The following NME5 variants were observed in gnomAD, a reference collection of about 807,000 sequenced individuals.
NME5 encodes the protein NME/NM23 family member 5.
Under a neutral mutation model 21.6 loss-of-function variants are expected in NME5, and 18 were observed. The ratio of observed to expected loss-of-function variants is 0.83; its 90% CI spans 0.58 to 1.24. NME5 has a LOEUF of 1.24. Ranked by LOEUF, NME5 falls within the 50% of genes most tolerant of loss-of-function variation. NME5 has a pLI of 0.00. For synonymous variants in NME5, 70 were observed against 80.6 expected, an observed-to-expected ratio of 0.87 and a Z score of 0.71; for missense variants, 223 against 255.4, an observed-to-expected ratio of 0.87 and a Z score of 0.86.
intron 2 of NME5, among the ~76,000 whole-genome samples, chr5:138,136,932 C>T (rs1415228074): frequency 1.3e-5 from 2 of 151,588 alleles, no homozygotes; most frequent in African/African-American, 2.4e-5. Context: ...CATGAGCCAC[C>T]GTGCCTGGCC....
chr5:138,138,384 ACTC>A, intron 2 of NME5: 1 of 326,094 alleles, frequency 3.1e-6, no homozygotes, highest in Non-Finnish European at 5.6e-6. Flanking sequence ...TGCATAGAAA[ACTC>A]CTGGAAGAAC....
chr5:138,122,332 C>T (rs980651405), intron 4 of NME5, among the ~76,000 whole-genome samples: 20 of 149,694 alleles, frequency 1.3e-4, no homozygotes, highest in South Asian at 1.1e-3. Context: ...CCCAGCTACT[C>T]GGGAGGCTGA....
intron 4 of NME5, among the ~76,000 whole-genome samples, chr5:138,120,902 T>C (rs1036147144): frequency 2.2e-4 from 33 of 152,186 alleles, no homozygotes; most frequent in Admixed American, 2.0e-3. Context: ...TTAATACACC[T>C]AGCCTATTGA....
At chr5:138,120,169 A>G (rs1165352423) in intron 4 of NME5, among the ~76,000 whole-genome samples, 2 of 149,998 alleles carry the variant, frequency 1.3e-5, no homozygotes, top group Admixed American at 1.3e-4. Flanking sequence ...GCCTCAAGCA[A>G]TCCTCCCACC....
rs534459147 is a variant in NME5 at position 138,127,670 on chromosome 5, G to A, written c.436+809C>T. On this transcript the variant is annotated intron_variant, in intron 4 of 5. Coordinates refer to ENST00000265191, the MANE Select transcript of NME5 (RefSeq NM_003551.3). ...ACCAAAAACTTCAGTGTTCTTCCTC[G>A]TATGTCCACTTCTCAAAGGTTTACA... 1.7e-5 allele frequency: 17 copies of A among 984,744 alleles called. No individual in the cohort carries two copies. The South Asian group carries it at 3.8e-4, about 22-fold the overall frequency. 61.0% of individuals were successfully genotyped at this position (984,744 alleles called of 1,614,324 possible).
At chr5:138,125,678 A>T (rs1751401564) in intron 4 of NME5, among the ~76,000 whole-genome samples, 1 of 152,178 alleles carries the variant, frequency 6.6e-6, no homozygotes, top group South Asian at 2.1e-4. Context: ...ACAGTGGTAC[A>T]ATCTCGGCTC....
intron 4 of NME5, among the ~76,000 whole-genome samples, 179 bp downstream of exon 4, chr5:138,128,300 G>A (rs1193482185): frequency 6.6e-6 from 1 of 152,104 alleles, no homozygotes; most frequent in Non-Finnish European, 1.5e-5. Flanking sequence ...TTAGTTGTTA[G>A]GGAAATGTCA....
At chr5:138,120,798 T>G (rs921556546) in intron 4 of NME5, among the ~76,000 whole-genome samples, 1 of 152,170 alleles carries the variant, frequency 6.6e-6, no homozygotes, top group African/African-American at 2.4e-5. Flanking sequence ...TATCATGCTG[T>G]CCTAGCACCA....
At chr5:138,130,339 C>G (rs1210974338) in intron 2 of NME5, among the ~76,000 whole-genome samples, 1 of 152,022 alleles carries the variant, frequency 6.6e-6, no homozygotes, top group Non-Finnish European at 1.5e-5. Context: ...CATGATAACA[C>G]GACTGCACTC....
At chr5:138,120,252 T>C (rs1751256531) in intron 4 of NME5, among the ~76,000 whole-genome samples, 1 of 145,576 alleles carries the variant, frequency 6.9e-6, no homozygotes, top group African/African-American at 2.6e-5. Flanking sequence ...TTTTTTTTTT[T>C]GAGACAGAGT....
intron 4 of NME5, among the ~76,000 whole-genome samples, chr5:138,125,169 G>A (rs976340927): frequency 6.6e-5 from 10 of 152,184 alleles, no homozygotes; most frequent in Non-Finnish European, 5.9e-5. Flanking sequence ...TGATTCTCCC[G>A]CCTCAGCCTC....
At chr5:138,137,956 G>C (rs1751742393) in intron 2 of NME5, among the ~76,000 whole-genome samples, 1 of 151,882 alleles carries the variant, frequency 6.6e-6, no homozygotes, top group Admixed American at 6.6e-5. Context: ...AGTGAGCCGA[G>C]ATCGTACCAC....
chr5:138,138,171 A>G (rs1429835723), intron 2 of NME5, among the ~76,000 whole-genome samples: 5 of 152,246 alleles, frequency 3.3e-5, no homozygotes, highest in Non-Finnish European at 7.3e-5. Flanking sequence ...CCATAACTGA[A>G]AAAAGTACCA....
chr5:138,123,119 T>C (rs56226307), intron 4 of NME5: 1 of 152,170 alleles, frequency 6.6e-6, no homozygotes, highest in Non-Finnish European at 1.5e-5. Flanking sequence ...CACAACAAAT[T>C]TTTTAATAGA....
At position 138,138,771 on chromosome 5, in the gene NME5, A is replaced by G. The variant is rs758085977; in HGVS notation, c.10T>C (p.Ser4Pro). ...ACATATATCTGAGGTGGAGGCATTG[A>G]TATCTCCATTATGGCTTTTCAGGGC... MEI[S>P]MPPPQIYVEK... Residue 4 changes from serine (S) to proline (P), a missense_variant, in exon 2 of 6, where the codon TCA becomes CCA. Ser to Pro is a moderately conservative substitution (Grantham distance 74). Transcript: ENST00000265191. 29 of 1,610,176 alleles carry G rather than the reference A, an allele frequency of 1.8e-5. 1 individual carries two copies. Among genetic ancestry groups the G allele is most frequent in the South Asian group, 1.1e-4 (10 of 90,474 alleles).
intron 2 of NME5, among the ~76,000 whole-genome samples, chr5:138,130,562 G>C (rs1163299405): frequency 6.6e-6 from 1 of 152,182 alleles, no homozygotes; most frequent in Non-Finnish European, 1.5e-5. Flanking sequence ...GCCAAGACAG[G>C]CAGATCACTT....
At chr5:138,122,979 C>T (rs1368816671) in intron 4 of NME5, 2 of 152,082 alleles carry the variant, frequency 1.3e-5, no homozygotes, top group South Asian at 4.2e-4. Flanking sequence ...CACCCCTGGT[C>T]CCCCAAATTT....
In NME5 at chr5:138,118,156, C is replaced by T. The variant is rs183739817; in HGVS notation, c.555+662G>A. ...TTATTTATTTTTTGAGATGGAGTCT[C>T]GCTCTGTTGCCCAGGCTGGAGTGCA... is the stretch of plus-strand genomic sequence containing the variant. On this transcript the variant is annotated intron_variant, in intron 5 of 5. Coordinates refer to ENST00000265191, the MANE Select transcript of NME5 (RefSeq NM_003551.3). Among the ~76,000 whole-genome samples, 932 of 150,706 alleles carry T rather than the reference C, an allele frequency of 6.2e-3. 7 individuals are homozygous for T. Among genetic ancestry groups the T allele is most frequent in the Non-Finnish European group, 0.01 (703 of 67,584 alleles).
intron 4 of NME5, 104 bp downstream of exon 4, chr5:138,128,374 TG>T: frequency 2.3e-6 from 2 of 875,596 alleles, no homozygotes; most frequent in Non-Finnish European, 3.5e-6. Context: ...CAAAATATAC[TG>T]GAAAAAAAAT....
Sources: gnomAD v4.1 joint callset for allele counts (sites outside exome capture counted in the v4.1 genomes callset) on GRCh38, gnomAD v4.1.1 for gene constraint, MANE v1.5 for transcripts, NCBI Gene and HGNC (gene_info 2026-07-23, HGNC 2026-07-21) for gene names.